RNF41: variants seen among roughly 807,000 people sequenced by gnomAD.
RNF41 encodes the protein E3 ubiquitin-protein ligase NRDP1.
A neutral mutation model predicts 33.0 loss-of-function variants in RNF41; 4 were observed. That is an observed-to-expected ratio of 0.12 (90% CI 0.06 to 0.28). RNF41 has a LOEUF of 0.28. Ranked by LOEUF, RNF41 falls within the 10% of genes least tolerant of loss-of-function variation. RNF41 has a pLI of 1.00. For synonymous variants in RNF41, 164 were observed against 153.2 expected (o/e 1.07, Z -0.52); for missense variants, 228 against 432.6 (o/e 0.53, Z 4.19).
At chr12:56,208,437 T>C in intron 4 of RNF41, 139 bp from the exon 5 acceptor site, 1 of 787,204 alleles carries the variant, frequency 1.3e-6, no homozygotes, top group Non-Finnish European at 2.0e-6. Context: ...GGCCTCCCTC[T>C]TGTTTATTCC....
At chr12:56,207,367 T>C (rs1354534730) in intron 6 of RNF41, 2 of 1,015,114 alleles carry the variant, frequency 2.0e-6, no homozygotes, top group Non-Finnish European at 2.9e-6. Flanking sequence ...CTCCACAGCC[T>C]TTAATACAGG....
At chr12:56,221,366 G>T (rs1869413599) in intron 1 of RNF41, among the ~76,000 whole-genome samples, 1 of 152,132 alleles carries the variant, frequency 6.6e-6, no homozygotes, top group Non-Finnish European at 1.5e-5. Context: ...GGCGCTTCGA[G>T]GGCGGGGGTT....
At chr12:56,217,682 G>A (rs1397999447) in intron 1 of RNF41, among the ~76,000 whole-genome samples, 1 of 152,220 alleles carries the variant, frequency 6.6e-6, no homozygotes, top group African/African-American at 2.4e-5. Context: ...ACAGCAGGAG[G>A]TGAGCAGGAA....
chr12:56,214,605 G>C (rs1344423587), intron 2 of RNF41, among the ~76,000 whole-genome samples: 2 of 151,726 alleles, frequency 1.3e-5, no homozygotes, highest in Non-Finnish European at 2.9e-5. Flanking sequence ...GGGACAGGCA[G>C]ATGAGCTGAG....
chr12:56,204,079 A>G lies in RNF41; in HGVS notation c.*2368T>C, dbSNP rs1878725729. On this transcript the variant is annotated 3_prime_UTR_variant, in exon 7 of 7. Coordinates refer to ENST00000345093, the MANE Select transcript of RNF41 (RefSeq NM_005785.4). Reference sequence around the variant, plus strand: ...TTTCCCTCCTCACATTTACGTTCTTAGCTAGGAAACACTGGGAGGTAGAGA... The same window carrying G: ...TTTCCCTCCTCACATTTACGTTCTTGGCTAGGAAACACTGGGAGGTAGAGA... 6.6e-6 allele frequency: 1 copy of G among 152,204 alleles called. No homozygotes were observed. The highest frequency in any genetic ancestry group is 1.5e-5 in the Non-Finnish European group (1 of 68,040). The allele number at this position is 152,204 out of a possible 1,614,324, so 9.4% of individuals were successfully genotyped here. A position where few individuals can be genotyped will look rare whatever the true frequency, so the allele number is the denominator to read the frequency against.
intron 1 of RNF41, among the ~76,000 whole-genome samples, chr12:56,220,227 T>C (rs937977998): frequency 1.4e-5 from 2 of 147,850 alleles, no homozygotes; most frequent in African/African-American, 5.0e-5. Flanking sequence ...TGGCGGGGGG[T>C]GTGGGGAGAC....
intron 1 of RNF41, among the ~76,000 whole-genome samples, chr12:56,218,982 G>A (rs901956920): frequency 4.6e-5 from 7 of 150,782 alleles, no homozygotes; most frequent in African/African-American, 1.2e-4. Flanking sequence ...GATTATAGGC[G>A]TGAGCCACCA....
chr12:56,209,386 T>C (rs934102250), intron 4 of RNF41, among the ~76,000 whole-genome samples: 50 of 150,536 alleles, frequency 3.3e-4, no homozygotes, highest in African/African-American at 1.1e-3. Context: ...CTACCTCTGG[T>C]TTTAAGTGAT....
rs949710205 is a variant in RNF41 at position 56,212,328 on chromosome 12, C to A, written c.90+1630G>T. Among the ~76,000 whole-genome samples, 6 of 152,154 alleles carry A rather than the reference C, an allele frequency of 3.9e-5. No homozygotes were observed. In the East Asian group the frequency reaches 1.2e-3, roughly 29 times the overall value. On this transcript the variant is annotated intron_variant, in intron 3 of 6. Coordinates refer to ENST00000345093, the MANE Select transcript of RNF41 (RefSeq NM_005785.4). ...GAACTATGTTCATTTTTCACCTATTCAAAAAATAAATAATTATGATGTGGG... is the reference window on the plus strand; with the variant it reads ...GAACTATGTTCATTTTTCACCTATTAAAAAAATAAATAATTATGATGTGGG...
At chr12:56,210,065 C>T (rs1868371822) in intron 4 of RNF41, 1 of 561,686 alleles carries the variant, frequency 1.8e-6, no homozygotes. Flanking sequence ...AATGTTATTA[C>T]ACAAATTTAC....
intron 2 of RNF41, among the ~76,000 whole-genome samples, chr12:56,214,690 G>A (rs1322408797): frequency 1.3e-5 from 2 of 150,858 alleles, no homozygotes; most frequent in African/African-American, 4.9e-5. Context: ...TTAGCTGGGC[G>A]TGGTGATGCA....
chr12:56,212,919 T>C (rs1220155678), intron 3 of RNF41: 15 of 1,019,428 alleles, frequency 1.5e-5, no homozygotes, highest in African/African-American at 3.3e-5. Context: ...ATTTACAGAA[T>C]GAGGGCAATA....
intron 5 of RNF41, 71 bp from the exon 6 acceptor site, chr12:56,207,820 G>A: frequency 1.7e-6 from 2 of 1,210,860 alleles, no homozygotes; most frequent in East Asian, 2.3e-5. Context: ...GTTTATCCAA[G>A]AATGAGGGCA....
chr12:56,210,395 G>A lies in RNF41; in HGVS notation c.264C>T (p.Phe88=), dbSNP rs192937554. The A allele has an allele frequency of 3.9e-4, 636 of 1,614,180 alleles. 3 individuals carry two copies. In the South Asian group the frequency reaches 5.9e-3, roughly 15 times the overall value. ...KLQIACDNAV[F]GCSAVVRLDN... is the part of the protein sequence containing the mutation. ...CAAGCCGGACAACGGCACTACAGCC[G>A]AACACAGCGTTGTCACAGGCAATCT... Residue 88 remains phenylalanine (F), a synonymous_variant, in exon 4 of 7, where the codon TTC becomes TTT. Transcript: ENST00000345093.
intron 4 of RNF41, 34 bp from the exon 5 acceptor site, chr12:56,208,332 G>C (rs1868316019): frequency 1.2e-6 from 2 of 1,610,720 alleles, no homozygotes; most frequent in South Asian, 2.2e-5. Context: ...GCAGAACAGA[G>C]GTGATCCCTG....
At position 56,203,387 on chromosome 12, in the gene RNF41, C is replaced by T. The variant is rs948905420; in HGVS notation, c.*3060G>A. ...TGACAGGGAAAGGTAGCAGCAAATA[C>T]TTATGAAGACTGGTTTTTTTTTTTT... is the stretch of plus-strand genomic sequence containing the variant. On this transcript the variant is annotated 3_prime_UTR_variant, in exon 7 of 7. Transcript: ENST00000345093. 3 of 135,856 alleles carry T rather than the reference C, an allele frequency of 2.2e-5. No homozygotes were observed. Among genetic ancestry groups the T allele is most frequent in the African/African-American group, 8.2e-5 (3 of 36,502 alleles). The allele number at this position is 135,856 out of a possible 1,614,324, so 8.4% of individuals were successfully genotyped here. A position where few individuals can be genotyped will look rare whatever the true frequency, so the allele number is the denominator to read the frequency against.
intron 3 of RNF41, among the ~76,000 whole-genome samples, chr12:56,211,689 T>A (rs1268027394): frequency 6.6e-6 from 1 of 152,020 alleles, no homozygotes; most frequent in Non-Finnish European, 1.5e-5. Context: ...GTAAGAAAGC[T>A]AGGCCAGGCA....
At chr12:56,214,123 T>A in intron 2 of RNF41, 53 bp from the exon 3 acceptor site, 1 of 918,360 alleles carries the variant, frequency 1.1e-6, no homozygotes, top group Non-Finnish European at 1.8e-6. Context: ...TACAAATATG[T>A]GACAAACATA....
At chr12:56,213,165 T>A (rs1046978779) in intron 3 of RNF41, 34 of 1,282,032 alleles carry the variant, frequency 2.7e-5, no homozygotes, top group Non-Finnish European at 3.5e-5. Flanking sequence ...AGGAAAAAAA[T>A]AGGTCAGTAC....
Sources: gnomAD v4.1 joint callset for allele counts (sites outside exome capture counted in the v4.1 genomes callset) on GRCh38, gnomAD v4.1.1 for gene constraint, MANE v1.5 for transcripts, NCBI Gene and HGNC (gene_info 2026-07-23, HGNC 2026-07-21) for gene names.